SEL1L3: variants seen among roughly 807,000 people sequenced by gnomAD.
SEL1L3 encodes the protein SEL1L family member 3.
Under a neutral mutation model 142.8 loss-of-function variants are expected in SEL1L3, and 76 were observed. The observed-to-expected ratio is 0.53, with a 90% CI of 0.44 to 0.64. The LOEUF (loss-of-function observed/expected upper bound fraction) is 0.64, where lower values mean the gene tolerates loss of function less well. Among genes scored for constraint, SEL1L3 ranks in the 30% least tolerant of loss-of-function variants. The probability of loss-of-function intolerance (pLI) is 0.00; values close to 1 mark genes in which losing one functional copy is unlikely to be tolerated. For missense variants in SEL1L3, 1,262 were observed against 1,381.7 expected, an observed-to-expected ratio of 0.91 and a Z score of 1.37; for synonymous variants, 504 against 519.6, an observed-to-expected ratio of 0.97 and a Z score of 0.41.
chr4:25,835,161 C>T, intron 3 of SEL1L3, 36 bp downstream of exon 3: 2 of 1,611,346 alleles, frequency 1.2e-6, no homozygotes, highest in Non-Finnish European at 1.7e-6. Flanking sequence ...AAAACAAGCA[C>T]CGCCCGATCA....
chr4:25,772,191 G>A (rs1211844254), intron 17 of SEL1L3, among the ~76,000 whole-genome samples: 1 of 152,232 alleles, frequency 6.6e-6, no homozygotes, highest in African/African-American at 2.4e-5. Flanking sequence ...AGCTTGGAGA[G>A]CAGGAATGGA....
intron 20 of SEL1L3, 123 bp from the exon 21 acceptor site, chr4:25,759,191 G>A (rs1394624149): frequency 2.0e-6 from 2 of 983,156 alleles, no homozygotes; most frequent in African/African-American, 1.6e-5. Flanking sequence ...GAGCCAGATG[G>A]TTTTGTCATC....
the SEL1L3 span, among the ~76,000 whole-genome samples, chr4:25,715,449 G>A: frequency 6.6e-6 from 1 of 152,270 alleles, no homozygotes; most frequent in East Asian, 1.9e-4. Context: ...CCATGGTAGA[G>A]GAAATAGACC....
downstream of SEL1L3, among the ~76,000 whole-genome samples, chr4:25,745,392 CT>C (rs1314190739): frequency 1.4e-5 from 2 of 141,062 alleles, no homozygotes; most frequent in African/African-American, 5.8e-5. Flanking sequence ...GAGACTCAGT[CT>C]CAAAAAAAAA....
chr4:25,804,522 G>C lies in SEL1L3; in HGVS notation c.1776+19C>G. The C allele has an allele frequency of 6.4e-7, 1 of 1,552,624 alleles. No individual in the cohort carries two copies. The highest frequency in any genetic ancestry group is 8.8e-7 in the Non-Finnish European group (1 of 1,130,586). ...ATAATGCAAGTGACTGATGTTAATG[G>C]AGCAATGAAATACTCTACCTGCAGC... On this transcript the variant is annotated intron_variant, in intron 10 of 23. Transcript: ENST00000399878.
At chr4:25,760,182 C>T (rs1247526118) in intron 20 of SEL1L3, among the ~76,000 whole-genome samples, 1 of 152,160 alleles carries the variant, frequency 6.6e-6, no homozygotes, top group Non-Finnish European at 1.5e-5. Context: ...GTTTGGTTTT[C>T]TGCTCCTGCA....
the SEL1L3 span, among the ~76,000 whole-genome samples, chr4:25,738,492 C>T: frequency 1.3e-5 from 2 of 152,148 alleles, no homozygotes; most frequent in South Asian, 2.1e-4. Flanking sequence ...ATTAAAGAAA[C>T]ACCAAGGCTT....
chr4:25,818,617 CA>C (rs1454069098), intron 8 of SEL1L3, among the ~76,000 whole-genome samples: 2 of 152,188 alleles, frequency 1.3e-5, no homozygotes, highest in Non-Finnish European at 2.9e-5. Flanking sequence ...GGAGGCAAAG[CA>C]GTTCAAGATG....
At chr4:25,821,442 A>G (rs1714746817) in intron 7 of SEL1L3, among the ~76,000 whole-genome samples, 1 of 152,222 alleles carries the variant, frequency 6.6e-6, no homozygotes, top group Admixed American at 6.5e-5. Flanking sequence ...TGTTGGCTGG[A>G]AGCGTTGGAC....
intron 15 of SEL1L3, among the ~76,000 whole-genome samples, chr4:25,781,020 G>A (rs1719964877): frequency 6.6e-6 from 1 of 151,342 alleles, no homozygotes; most frequent in Admixed American, 6.6e-5. Flanking sequence ...ATGAGGGTTT[G>A]TATTTTTAGA....
At chr4:25,783,662 C>T (rs1711578466) in intron 14 of SEL1L3, among the ~76,000 whole-genome samples, 1 of 152,096 alleles carries the variant, frequency 6.6e-6, no homozygotes, top group Non-Finnish European at 1.5e-5. Flanking sequence ...GGTGGGGGCC[C>T]CTCGAAAGCA....
chr4:25,748,972 A>C (rs1457487102), intron 23 of SEL1L3, among the ~76,000 whole-genome samples: 1 of 152,168 alleles, frequency 6.6e-6, no homozygotes, highest in Non-Finnish European at 1.5e-5. Flanking sequence ...AGGATGTTGT[A>C]GAATGATGTA....
the SEL1L3 span, among the ~76,000 whole-genome samples, chr4:25,723,060 G>C: frequency 6.6e-6 from 1 of 152,140 alleles, no homozygotes; most frequent in Non-Finnish European, 1.5e-5. Context: ...TGTGGGCAGA[G>C]CCTTCAGCAG....
At chr4:25,732,666 C>A in the SEL1L3 span, among the ~76,000 whole-genome samples, 1 of 151,932 alleles carries the variant, frequency 6.6e-6, no homozygotes, top group African/African-American at 2.4e-5. Context: ...TGCCTCCCGC[C>A]CCACCACATT....
At chr4:25,769,808 G>T (rs1056271167) in intron 17 of SEL1L3, among the ~76,000 whole-genome samples, 3 of 152,154 alleles carry the variant, frequency 2.0e-5, no homozygotes, top group Non-Finnish European at 4.4e-5. Flanking sequence ...GATGTGGCTC[G>T]TGTTTACTAA....
chr4:25,762,789 C>T (rs1718459059), intron 20 of SEL1L3, among the ~76,000 whole-genome samples: 1 of 152,006 alleles, frequency 6.6e-6, no homozygotes, highest in East Asian at 1.9e-4. Context: ...ACCATCCTGC[C>T]CAACATGGTG....
the SEL1L3 span, among the ~76,000 whole-genome samples, chr4:25,730,195 A>C: frequency 1.5e-3 from 222 of 152,146 alleles, no homozygotes; most frequent in African/African-American, 4.9e-3. Context: ...CGGCCTCCCA[A>C]AGTGCTGGGT....
At chr4:25,724,736 C>CAAAAAAAAAAAAAAAAAA in the SEL1L3 span, among the ~76,000 whole-genome samples, 6 of 5,976 alleles carry the variant, frequency 1.0e-3, no homozygotes, top group Non-Finnish European at 1.6e-3. Context: ...GACTCCAACT[C>CAAAAAAAAAAAAAAAAAA]AAAAAAAAAA....
At chr4:25,745,756 G>A (rs961655181), downstream of SEL1L3, among the ~76,000 whole-genome samples, 2 of 152,222 alleles carry the variant, frequency 1.3e-5, no homozygotes, top group African/African-American at 4.8e-5. Flanking sequence ...GAGAAACTCT[G>A]CCTACATCAA....
Sources: gnomAD v4.1 joint callset for allele counts (sites outside exome capture counted in the v4.1 genomes callset) on GRCh38, gnomAD v4.1.1 for gene constraint, MANE v1.5 for transcripts, NCBI Gene and HGNC (gene_info 2026-07-23, HGNC 2026-07-21) for gene names.